Variants in HHIPL1 observed in about 807,000 individuals in gnomAD.
The protein encoded by HHIPL1 is HHIP-like protein 1.
Under a neutral mutation model 61.8 loss-of-function variants are expected in HHIPL1, and 43 were observed. That is an observed-to-expected ratio of 0.70 (90% CI 0.55 to 0.90). The LOEUF is 0.90. Among genes scored for constraint, HHIPL1 ranks in the 40% least tolerant of loss-of-function variants. HHIPL1 has a pLI of 0.00. For missense variants in HHIPL1, 1,056 were observed against 1,157.7 expected (o/e 0.91, Z 1.28); for synonymous variants, 482 against 515.8 (o/e 0.93, Z 0.89).
chr14:99,614,809 G>A, the HHIPL1 span, among the ~76,000 whole-genome samples: 1 of 152,180 alleles, frequency 6.6e-6, no homozygotes, highest in South Asian at 2.1e-4. Context: ...CGGAGGCCAG[G>A]ATAGCGTTCA....
At chr14:99,661,406 A>G (rs1286217449) in intron 5 of HHIPL1, among the ~76,000 whole-genome samples, 1 of 94,538 alleles carries the variant, frequency 1.1e-5, no homozygotes, top group South Asian at 3.2e-4. Context: ...AGAAAGAAAG[A>G]GAGAGAGAGA....
chr14:99,642,789 G>T (rs1256213587), upstream of HHIPL1, among the ~76,000 whole-genome samples: 96 of 151,894 alleles, frequency 6.3e-4, no homozygotes, highest in African/African-American at 2.1e-3. Flanking sequence ...CTCCCAAAGT[G>T]CTGGGGTTAC....
At chr14:99,617,025 G>A in the HHIPL1 span, among the ~76,000 whole-genome samples, 1 of 152,184 alleles carries the variant, frequency 6.6e-6, no homozygotes, top group Non-Finnish European at 1.5e-5. Context: ...CCTTCCTGGG[G>A]GGCCGAGAAG....
At chr14:99,634,153 G>A in the HHIPL1 span, among the ~76,000 whole-genome samples, 1 of 152,198 alleles carries the variant, frequency 6.6e-6, no homozygotes, top group Admixed American at 6.5e-5. Flanking sequence ...AGCTCAGAGT[G>A]TGTAGACATG....
At chr14:99,664,411 G>T (rs1413834714) in intron 6 of HHIPL1, among the ~76,000 whole-genome samples, 1 of 152,218 alleles carries the variant, frequency 6.6e-6, no homozygotes, top group Admixed American at 6.5e-5. Flanking sequence ...AGAAGCAGGG[G>T]TGCCCCTCCC....
At position 99,655,642 on chromosome 14, in the gene HHIPL1, A is replaced by G. The variant is rs577198585; in HGVS notation, c.903-1358A>G. Among the ~76,000 whole-genome samples the G allele has an allele frequency of 1.5e-3, 222 of 152,246 alleles. 1 individual carries two copies. Among genetic ancestry groups the G allele is most frequent in the Non-Finnish European group, 2.2e-3 (149 of 68,020 alleles). ...AAAGGAAAAAAAGAAAGAAAGAAAAAGAAGGGATTGAGAAATCAGTGACCG... is the reference window on the plus strand; with the variant it reads ...AAAGGAAAAAAAGAAAGAAAGAAAAGGAAGGGATTGAGAAATCAGTGACCG... On this transcript the variant is annotated intron_variant, in intron 2 of 8. Transcript: ENST00000330710.
the HHIPL1 span, among the ~76,000 whole-genome samples, chr14:99,605,292 G>T: frequency 6.6e-6 from 1 of 150,996 alleles, no homozygotes; most frequent in South Asian, 2.1e-4. Flanking sequence ...CGGGACCCCC[G>T]GGCTTCCCAC....
At chr14:99,665,615 T>A (rs1181112573) in intron 6 of HHIPL1, among the ~76,000 whole-genome samples, 2 of 152,166 alleles carry the variant, frequency 1.3e-5, no homozygotes, top group African/African-American at 4.8e-5. Flanking sequence ...TTAAATAGTT[T>A]GTAGAGATGG....
At chr14:99,670,708 T>C (rs1186356123) in intron 7 of HHIPL1, among the ~76,000 whole-genome samples, 2 of 152,186 alleles carry the variant, frequency 1.3e-5, no homozygotes, top group African/African-American at 4.8e-5. Context: ...GTGGTTGTAT[T>C]TGGATCACAC....
At chr14:99,609,962 A>C in the HHIPL1 span, among the ~76,000 whole-genome samples, 6 of 152,266 alleles carry the variant, frequency 3.9e-5, no homozygotes, top group Admixed American at 3.3e-4. Context: ...AGGGGAGATC[A>C]CTGAGACTAG....
At chr14:99,633,948 A>G in the HHIPL1 span, among the ~76,000 whole-genome samples, 2 of 152,334 alleles carry the variant, frequency 1.3e-5, no homozygotes, top group East Asian at 3.9e-4. Context: ...CTGAGTGTGA[A>G]GTCAGGGCCT....
Position 99,660,485 on chromosome 14 carries a change from A to G in HHIPL1, c.1502+79A>G. ...CTGGCTCCTTGGTAAAGGGGAGTGT[A>G]TGTGTGCGCCCGTTCCTGCACATGT... is the stretch of plus-strand genomic sequence containing the variant. On this transcript the variant is annotated intron_variant, in intron 5 of 8. Transcript: ENST00000330710. This position sits in a 1 kb window ranked among gnomAD's most constrained non-coding sequence, Gnocchi z 4.9. The G allele has an allele frequency of 1.3e-6, 2 of 1,519,952 alleles. No homozygotes were observed. The highest frequency in any genetic ancestry group is 1.8e-6 in the Non-Finnish European group (2 of 1,116,108). 94.2% of individuals were successfully genotyped at this position (1,519,952 alleles called of 1,614,324 possible).
intron 2 of HHIPL1, 113 bp downstream of exon 2, chr14:99,652,983 G>A (rs1180877648): frequency 1.0e-5 from 11 of 1,072,828 alleles, no homozygotes; most frequent in Non-Finnish European, 1.4e-5. Context: ...AACACACCTG[G>A]TGGGGGTGCT....
the HHIPL1 span, among the ~76,000 whole-genome samples, chr14:99,613,838 G>C: frequency 6.6e-6 from 1 of 152,080 alleles, no homozygotes; most frequent in Non-Finnish European, 1.5e-5. Flanking sequence ...TTGAACCCAG[G>C]AGTGGGAGGT....
chr14:99,668,908 A>C lies in HHIPL1; in HGVS notation c.1730+605A>C. Reference sequence around the variant, plus strand: ...CAGCTCATTGACGTCTCAGCCGTTCATTTTACAGTGGTGGAAATGAGCACA... The same window carrying C: ...CAGCTCATTGACGTCTCAGCCGTTCCTTTTACAGTGGTGGAAATGAGCACA... On this transcript the variant is annotated intron_variant, in intron 7 of 8. Transcript: ENST00000330710. This position sits in a 1 kb window ranked among gnomAD's most constrained non-coding sequence, Gnocchi z 4.7. 1.2e-6 allele frequency: 2 copies of C among 1,613,626 alleles called. No individual in the cohort carries two copies. The highest frequency in any genetic ancestry group is 1.7e-6 in the Non-Finnish European group (2 of 1,179,662).
intron 7 of HHIPL1, among the ~76,000 whole-genome samples, chr14:99,671,439 T>C (rs2140093911): frequency 6.6e-6 from 1 of 152,192 alleles, no homozygotes; most frequent in East Asian, 1.9e-4. Flanking sequence ...TTCTGCAGCC[T>C]CTGGGGACAA....
At chr14:99,664,388 G>T (rs1205861045) in intron 6 of HHIPL1, among the ~76,000 whole-genome samples, 8 of 152,218 alleles carry the variant, frequency 5.3e-5, no homozygotes, top group African/African-American at 2.4e-5. Flanking sequence ...TCAGTAGGGG[G>T]TTAATGTGTT....
chr14:99,628,953 C>A, the HHIPL1 span, among the ~76,000 whole-genome samples: 1 of 152,230 alleles, frequency 6.6e-6, no homozygotes, highest in Non-Finnish European at 1.5e-5. Flanking sequence ...CTCCGAGGAG[C>A]CTCCCCTGAT....
At position 99,659,741 on chromosome 14, in the gene HHIPL1, G is replaced by T; in HGVS notation, c.1360G>T (p.Ala454Ser). The T allele has an allele frequency of 1.4e-6, 2 of 1,435,034 alleles. No homozygotes were observed. Among genetic ancestry groups the T allele is most frequent in the East Asian group, 2.7e-5 (1 of 36,860 alleles). The allele number at this position is 1,435,034 out of a possible 1,614,324, so 88.9% of individuals were successfully genotyped here. The change falls in exon 4 of 9, where the codon GCC becomes TCC. Residue 454 changes from alanine to serine, a missense_variant. By Grantham distance (99) the Ala-to-Ser change is moderately conservative. Transcript: ENST00000330710. The part of the protein sequence containing the change: ...GFECYDRSLC[A>S]NTSLNDLLPI... ...CGAGTGCTACGACCGCAGCCTGTGC[G>T]CCAACACCTCTCTCAGTGAGTGCCC...
Sources: gnomAD v4.1 joint callset for allele counts (sites outside exome capture counted in the v4.1 genomes callset) on GRCh38, gnomAD v4.1.1 for gene constraint, Gnocchi (gnomAD v3.1) non-coding constraint, MANE v1.5 for transcripts, NCBI Gene and HGNC (gene_info 2026-07-23, HGNC 2026-07-21) for gene names.